Variants in COL21A1 observed in about 807,000 individuals in gnomAD.
COL21A1 encodes collagen alpha-1(XXI) chain.
Under a neutral mutation model 137.9 loss-of-function variants are expected in COL21A1, and 149 were observed. The observed-to-expected ratio is 1.08, with a 90% CI of 0.95 to 1.24. COL21A1 has a LOEUF of 1.24. Among genes scored for constraint, COL21A1 ranks in the 50% most tolerant of loss-of-function variants. The probability of loss-of-function intolerance (pLI) is 0.00; values close to 1 mark genes in which losing one functional copy is unlikely to be tolerated. For missense variants in COL21A1, 1,167 were observed against 1,158.4 expected (o/e 1.01, Z -0.11); for synonymous variants, 456 against 391.5 (o/e 1.16, Z -1.95).
At chr6:56,082,975 A>T (rs1020410977) in intron 17 of COL21A1, among the ~76,000 whole-genome samples, 1 of 107,496 alleles carries the variant, frequency 9.3e-6, no homozygotes, top group Admixed American at 9.5e-5. Flanking sequence ...CCATTTTCTT[A>T]TAAAAATAAT....
chr6:56,158,185 C>T (rs1039699570), intron 9 of COL21A1, among the ~76,000 whole-genome samples: 4 of 150,726 alleles, frequency 2.7e-5, no homozygotes, highest in East Asian at 1.9e-4. Flanking sequence ...AAGTCACTGC[C>T]GTAAGTATCA....
intron 17 of COL21A1, among the ~76,000 whole-genome samples, chr6:56,080,070 T>C (rs1452200884): frequency 6.6e-6 from 1 of 151,768 alleles, no homozygotes; most frequent in Non-Finnish European, 1.5e-5. Flanking sequence ...AATATGTGTA[T>C]TGAAATTGAC....
intron 9 of COL21A1, among the ~76,000 whole-genome samples, chr6:56,158,769 G>A (rs1210367813): frequency 6.6e-6 from 1 of 152,104 alleles, no homozygotes; most frequent in Non-Finnish European, 1.5e-5. Flanking sequence ...AAGCAGGGAT[G>A]AGCTGTTCAC....
At chr6:56,223,647 A>T (rs892242160) in intron 1 of COL21A1, among the ~76,000 whole-genome samples, 15 of 151,166 alleles carry the variant, frequency 9.9e-5, no homozygotes, top group East Asian at 3.9e-4. Flanking sequence ...TATTAATTTT[A>T]AAAAAAACAT....
intron 10 of COL21A1, among the ~76,000 whole-genome samples, chr6:56,152,635 G>A (rs1390899367): frequency 6.6e-6 from 1 of 151,928 alleles, no homozygotes; most frequent in Admixed American, 6.6e-5. Context: ...ATTATATCAG[G>A]CTAACAATAA....
intron 1 of COL21A1, among the ~76,000 whole-genome samples, chr6:56,245,630 G>T (rs1389006822): frequency 6.6e-6 from 1 of 151,912 alleles, no homozygotes; most frequent in Non-Finnish European, 1.5e-5. Flanking sequence ...GAATTATGAG[G>T]TAAGTGTACT....
At chr6:56,393,291 C>CT (rs2094033518) in intron 1 of COL21A1, among the ~76,000 whole-genome samples, 1 of 152,156 alleles carries the variant, frequency 6.6e-6, no homozygotes, top group Admixed American at 6.5e-5. Flanking sequence ...AACTGGATAT[C>CT]TATGTGCAGA....
chr6:56,205,626 T>TACAGAGAATACC (rs1779724212), intron 1 of COL21A1, among the ~76,000 whole-genome samples: 2 of 151,970 alleles, frequency 1.3e-5, no homozygotes. Flanking sequence ...ATTCAGGAAA[T>TACAGAGAATACC]ACAGAGAATA....
chr6:56,098,769 G>A (rs189174890), intron 17 of COL21A1, among the ~76,000 whole-genome samples: 1 of 134,818 alleles, frequency 7.4e-6, no homozygotes, highest in East Asian at 2.1e-4. Flanking sequence ...AGGCTGGAGT[G>A]CAGTAGCGCG....
intron 28 of COL21A1, 41 bp downstream of exon 28, chr6:56,059,977 A>C: frequency 6.8e-7 from 1 of 1,479,266 alleles, no homozygotes; most frequent in Non-Finnish European, 9.2e-7. Flanking sequence ...TTAAAAAAAG[A>C]CTTTTTAAAA....
chr6:56,286,489 ATT>A (rs899127978), intron 1 of COL21A1, among the ~76,000 whole-genome samples: 2 of 152,212 alleles, frequency 1.3e-5, no homozygotes, highest in African/African-American at 4.8e-5. Flanking sequence ...GCACACTTGC[ATT>A]TTATTTCCCA....
intron 1 of COL21A1, among the ~76,000 whole-genome samples, chr6:56,326,282 T>A (rs536263826): frequency 6.6e-6 from 1 of 151,522 alleles, no homozygotes; most frequent in East Asian, 1.9e-4. Context: ...CAATGGAGGT[T>A]ATTTTGAATA....
At chr6:56,214,706 TG>T (rs35580499) in intron 1 of COL21A1, among the ~76,000 whole-genome samples, 2 of 152,040 alleles carry the variant, frequency 1.3e-5, no homozygotes, top group Non-Finnish European at 2.9e-5. Flanking sequence ...TCATGGCATA[TG>T]GTTGTTAGGC....
chr6:56,330,030 C>T (rs1765182845), intron 1 of COL21A1, among the ~76,000 whole-genome samples: 1 of 152,034 alleles, frequency 6.6e-6, no homozygotes, highest in Non-Finnish European at 1.5e-5. Context: ...GTTTTCTATT[C>T]AATATAACCT....
At chr6:56,393,710 G>A (rs1213198078) in intron 1 of COL21A1, among the ~76,000 whole-genome samples, 1 of 152,136 alleles carries the variant, frequency 6.6e-6, no homozygotes, top group Non-Finnish European at 1.5e-5. Context: ...TAAGCGGCAG[G>A]CTGCAGCCTA....
chr6:56,160,913 G>A (rs1020988014), intron 9 of COL21A1, among the ~76,000 whole-genome samples: 6 of 152,160 alleles, frequency 3.9e-5, no homozygotes, highest in South Asian at 4.2e-4. Flanking sequence ...AAAACCTTAC[G>A]CCTTCATGCT....
intron 16 of COL21A1, among the ~76,000 whole-genome samples, chr6:56,119,422 T>TA (rs930582601): frequency 2.6e-5 from 4 of 152,020 alleles, no homozygotes; most frequent in South Asian, 2.1e-4. Context: ...CACCAAAAAA[T>TA]AAAAAAATAT....
chr6:56,200,763 T>TAC (rs1779337215), intron 1 of COL21A1, among the ~76,000 whole-genome samples: 2 of 152,144 alleles, frequency 1.3e-5, no homozygotes, highest in African/African-American at 2.4e-5. Flanking sequence ...GCAATAAACA[T>TAC]ATGGGTGCAT....
chr6:56,307,306 G>T (rs1033969342), intron 1 of COL21A1, among the ~76,000 whole-genome samples: 10 of 152,214 alleles, frequency 6.6e-5, no homozygotes, highest in African/African-American at 2.4e-4. Context: ...GTTTGGCAAT[G>T]TCCTGCCCCC....
Sources: gnomAD v4.1 joint callset for allele counts (sites outside exome capture counted in the v4.1 genomes callset) on GRCh38, gnomAD v4.1.1 for gene constraint, MANE v1.5 for transcripts, NCBI Gene and HGNC (gene_info 2026-07-23, HGNC 2026-07-21) for gene names.